The following ADAMTS3 variants were observed in gnomAD, a reference collection of about 807,000 sequenced individuals.
The protein encoded by ADAMTS3 is A disintegrin and metalloproteinase with thrombospondin motifs 3.
A neutral mutation model predicts 129.0 loss-of-function variants in ADAMTS3; 73 were observed. That is an observed-to-expected ratio of 0.57 (90% CI 0.47 to 0.69). The LOEUF is 0.69. Among genes scored for constraint, ADAMTS3 ranks in the 30% least tolerant of loss-of-function variants. The pLI, the probability that ADAMTS3 is intolerant of heterozygous loss-of-function variation, is 0.00. For missense variants in ADAMTS3, 1,457 were observed against 1,514.5 expected (o/e 0.96, Z 0.63); for synonymous variants, 477 against 510.8 (o/e 0.93, Z 0.89).
chr4:72,332,937 T>C (rs1208385563), intron 5 of ADAMTS3, among the ~76,000 whole-genome samples: 1 of 152,170 alleles, frequency 6.6e-6, no homozygotes, highest in Non-Finnish European at 1.5e-5. Context: ...GCCTCAACTT[T>C]GTAATGAGAG....
At chr4:72,369,126 C>T (rs566585730) in intron 4 of ADAMTS3, among the ~76,000 whole-genome samples, 87 of 152,190 alleles carry the variant, frequency 5.7e-4, no homozygotes, top group Admixed American at 1.2e-3. Flanking sequence ...AACACTTACA[C>T]ATGTGATAGA....
intron 3 of ADAMTS3, among the ~76,000 whole-genome samples, chr4:72,491,732 T>G (rs1437218452): frequency 2.6e-5 from 4 of 151,824 alleles, no homozygotes; most frequent in Non-Finnish European, 5.9e-5. Context: ...ATAGTTTTCT[T>G]TTCTTTACTA....
chr4:72,306,117 A>C (rs1421817089), intron 15 of ADAMTS3, 50 bp from the exon 16 acceptor site: 1 of 1,438,788 alleles, frequency 7.0e-7, no homozygotes, highest in Non-Finnish European at 9.5e-7. Flanking sequence ...AAACAAAAGC[A>C]ACAACCATGG....
chr4:72,427,392 G>T lies in ADAMTS3; in HGVS notation c.505-12421C>A, dbSNP rs151332673. Reference sequence around the variant, plus strand: ...GTCAAACACTTCTTTCCAAGTCTCTGCTGGTATCAACCACAGCCAGTTATG... The same window carrying T: ...GTCAAACACTTCTTTCCAAGTCTCTTCTGGTATCAACCACAGCCAGTTATG... On this transcript the variant is annotated intron_variant, in intron 3 of 21. Transcript: ENST00000286657. Among the ~76,000 whole-genome samples, 10 of 152,170 alleles carry T rather than the reference G, an allele frequency of 6.6e-5. No homozygotes were observed. The East Asian group carries it at 1.7e-3, about 27-fold the overall frequency.
intron 3 of ADAMTS3, among the ~76,000 whole-genome samples, chr4:72,533,290 C>G (rs941092527): frequency 2.6e-5 from 4 of 152,112 alleles, no homozygotes; most frequent in Non-Finnish European, 5.9e-5. Context: ...GAGTCAGATT[C>G]ATCAATAAAA....
intron 3 of ADAMTS3, among the ~76,000 whole-genome samples, chr4:72,526,821 T>C (rs1214848029): frequency 1.4e-5 from 2 of 147,754 alleles, no homozygotes; most frequent in Non-Finnish European, 3.0e-5. Flanking sequence ...TACATGTATC[T>C]ATGTTTCAAT....
intron 4 of ADAMTS3, among the ~76,000 whole-genome samples, chr4:72,359,743 C>T (rs1484446367): frequency 1.3e-5 from 2 of 152,010 alleles, no homozygotes; most frequent in African/African-American, 4.8e-5. Context: ...TAAATGAATA[C>T]ACACTGATTA....
intron 3 of ADAMTS3, among the ~76,000 whole-genome samples, chr4:72,481,083 C>G (rs1447715330): frequency 6.6e-6 from 1 of 152,022 alleles, no homozygotes; most frequent in Non-Finnish European, 1.5e-5. Flanking sequence ...GACATACTGT[C>G]ATGATAAATT....
intron 6 of ADAMTS3, among the ~76,000 whole-genome samples, chr4:72,322,114 C>T (rs888523775): frequency 2.0e-5 from 3 of 152,100 alleles, no homozygotes; most frequent in African/African-American, 7.2e-5. Context: ...CATACTTTTC[C>T]AAACAAATGC....
chr4:72,443,502 T>C (rs1718172675), intron 3 of ADAMTS3, among the ~76,000 whole-genome samples: 1 of 151,640 alleles, frequency 6.6e-6, no homozygotes, highest in South Asian at 2.1e-4. Context: ...TTCAGCACAT[T>C]CCCTAACAAT....
chr4:72,536,500 G>A (rs888839308), intron 3 of ADAMTS3, among the ~76,000 whole-genome samples: 2 of 152,162 alleles, frequency 1.3e-5, no homozygotes, highest in Non-Finnish European at 2.9e-5. Flanking sequence ...ATTGTAAATG[G>A]AAAAAGAAGA....
chr4:72,323,518 A>T (rs1029779875), intron 5 of ADAMTS3, among the ~76,000 whole-genome samples: 1 of 152,148 alleles, frequency 6.6e-6, no homozygotes, highest in African/African-American at 2.4e-5. Context: ...CTGTGTGACA[A>T]CCAGGGGTGC....
chr4:72,321,900 A>G (rs1393009190), intron 6 of ADAMTS3, among the ~76,000 whole-genome samples: 1 of 152,172 alleles, frequency 6.6e-6, no homozygotes, highest in Non-Finnish European at 1.5e-5. Context: ...AGGAGTTAAA[A>G]GTTCAGGGGG....
chr4:72,315,828 C>G, intron 11 of ADAMTS3, 30 bp downstream of exon 11: 2 of 1,354,754 alleles, frequency 1.5e-6, no homozygotes, highest in Admixed American at 1.8e-5. Context: ...ACATATCTTA[C>G]ATATTTATTG....
chr4:72,476,728 A>G (rs1345531854), intron 3 of ADAMTS3, among the ~76,000 whole-genome samples: 1 of 152,124 alleles, frequency 6.6e-6, no homozygotes, highest in Non-Finnish European at 1.5e-5. Context: ...CCTCATAAAT[A>G]TTCATGCAAA....
intron 2 of ADAMTS3, among the ~76,000 whole-genome samples, chr4:72,559,334 A>G (rs1352484264): frequency 6.6e-6 from 1 of 151,852 alleles, no homozygotes; most frequent in African/African-American, 2.4e-5. Context: ...TCTGGTAAAC[A>G]TAAAATATAG....
Position 72,319,904 on chromosome 4 carries a change from C to T in ADAMTS3, c.1162G>A (p.Asp388Asn). ...PVRSCTLNHE[D>N]GFSSAFVVAH... ...ACTACAAAAGCAGATGAAAAACCAT[C>T]CTCATGATTCAGGGTACAACTTCTC... is the stretch of plus-strand genomic sequence containing the variant. Residue 388 changes from aspartate (D) to asparagine (N), a missense_variant, in exon 8 of 22, where the codon GAT becomes AAT. By Grantham distance (23) the Asp-to-Asn change is conservative. Coordinates refer to ENST00000286657, the MANE Select transcript of ADAMTS3 (RefSeq NM_014243.3). The T allele has an allele frequency of 6.2e-7, 1 of 1,613,938 alleles. No homozygotes were observed. The highest frequency in any genetic ancestry group is 8.5e-7 in the Non-Finnish European group (1 of 1,179,916).
intron 17 of ADAMTS3, among the ~76,000 whole-genome samples, chr4:72,302,893 C>T (rs962730080): frequency 3.9e-5 from 6 of 152,024 alleles, no homozygotes; most frequent in Non-Finnish European, 8.8e-5. Context: ...GTATATTGGC[C>T]CCTAGGTTCT....
intron 4 of ADAMTS3, among the ~76,000 whole-genome samples, chr4:72,391,585 T>G (rs926519714): frequency 2.0e-5 from 3 of 152,170 alleles, no homozygotes; most frequent in African/African-American, 7.2e-5. Flanking sequence ...CAAATCTCTG[T>G]GACTACAGTT....
Sources: allele counts gnomAD v4.1 joint callset (sites outside exome capture counted in the v4.1 genomes callset), GRCh38; gene constraint gnomAD v4.1.1; transcripts MANE v1.5; gene names NCBI Gene and HGNC (gene_info 2026-07-23, HGNC 2026-07-21).